Variants in ANKRD44 observed in about 807,000 individuals in gnomAD.
ANKRD44 encodes the protein serine/threonine-protein phosphatase 6 regulatory ankyrin repeat subunit B.
ANKRD44 carries 35 observed loss-of-function variants against 116.0 expected under a neutral mutation model. That is an observed-to-expected ratio of 0.30 (90% confidence interval 0.23 to 0.40). The LOEUF (loss-of-function observed/expected upper bound fraction) is 0.40, where lower values mean the gene tolerates loss of function less well. Ranked by LOEUF, ANKRD44 falls within the 10% of genes least tolerant of loss-of-function variation. The pLI is 1.00. For synonymous variants in ANKRD44, 435 were observed against 461.8 expected (o/e 0.94, Z 0.74); for missense variants, 1,014 against 1,242.6 (o/e 0.82, Z 2.77).
intron 10 of ANKRD44, among the ~76,000 whole-genome samples, chr2:197,091,647 C>G (rs2078045479): frequency 6.6e-6 from 1 of 152,198 alleles, no homozygotes; most frequent in African/African-American, 2.4e-5. Flanking sequence ...GCATGAGCCA[C>G]CACGCTCAGT....
intron 15 of ANKRD44, among the ~76,000 whole-genome samples, chr2:197,080,043 TA>T (rs2077758550): frequency 6.6e-6 from 1 of 152,224 alleles, no homozygotes; most frequent in Non-Finnish European, 1.5e-5. Context: ...TTTTGGTAAT[TA>T]AATGCCCATG....
chr2:197,080,323 GTTTT>G lies in ANKRD44; in HGVS notation c.1538+1318_1538+1321del, dbSNP rs113109367. Among the ~76,000 whole-genome samples, 1,432 of 152,256 alleles carry G rather than the reference GTTTT, an allele frequency of 9.4e-3. 7 individuals carry two copies. Among genetic ancestry groups the G allele is most frequent in the Middle Eastern group, 0.017 (5 of 294 alleles). ...TCCGTGTTTTCACTGGGAATGCCTA[GTTTT>G]TTTCTCTTCCCAGAGCCTAGTAATT... is the stretch of plus-strand genomic sequence containing the variant. On this transcript the variant is annotated intron_variant, in intron 15 of 27. Coordinates refer to ENST00000282272, the MANE Select transcript of ANKRD44 (RefSeq NM_001195144.2).
intron 1 of ANKRD44, among the ~76,000 whole-genome samples, chr2:197,232,213 G>A (rs912672653): frequency 1.3e-5 from 2 of 152,150 alleles, no homozygotes; most frequent in African/African-American, 2.4e-5. Context: ...AAAACTTCAC[G>A]CAGACCCAAA....
chr2:197,156,212 G>A (rs1351212847), intron 2 of ANKRD44, among the ~76,000 whole-genome samples: 1 of 152,150 alleles, frequency 6.6e-6, no homozygotes, highest in Admixed American at 6.5e-5. Context: ...CGGGCGTGGT[G>A]TCAGGCACCT....
At chr2:197,155,837 T>C (rs2079795319) in intron 2 of ANKRD44, among the ~76,000 whole-genome samples, 1 of 152,184 alleles carries the variant, frequency 6.6e-6, no homozygotes, top group South Asian at 2.1e-4. Flanking sequence ...AAATGAATAA[T>C]GTCCACTCTT....
intron 9 of ANKRD44, among the ~76,000 whole-genome samples, chr2:197,104,662 G>A (rs574960970): frequency 1.3e-5 from 2 of 152,268 alleles, no homozygotes; most frequent in Admixed American, 6.5e-5. Context: ...AGATCTATAT[G>A]TCCTTCATTC....
At chr2:197,033,623 A>G (rs1380165307) in intron 16 of ANKRD44, among the ~76,000 whole-genome samples, 1 of 150,998 alleles carries the variant, frequency 6.6e-6, no homozygotes, top group Non-Finnish European at 1.5e-5. Flanking sequence ...CAAACAGCAC[A>G]GGGATGGGGG....
chr2:197,095,488 A>G (rs532073676), intron 10 of ANKRD44, among the ~76,000 whole-genome samples: 1 of 152,280 alleles, frequency 6.6e-6, no homozygotes, highest in Non-Finnish European at 1.5e-5. Context: ...CAAAACCTCC[A>G]TTCTTGCAGT....
chr2:197,276,446 CAAGAA>C (rs1277796211), intron 1 of ANKRD44, among the ~76,000 whole-genome samples: 1 of 151,918 alleles, frequency 6.6e-6, no homozygotes, highest in East Asian at 1.9e-4. Flanking sequence ...TAGTGATAAA[CAAGAA>C]AAGACTTTTT....
At chr2:197,081,173 C>G (rs2077786204) in intron 15 of ANKRD44, among the ~76,000 whole-genome samples, 1 of 152,190 alleles carries the variant, frequency 6.6e-6, no homozygotes, top group African/African-American at 2.4e-5. Flanking sequence ...TTTGCAGGAG[C>G]AGGAGGCTCT....
At chr2:197,101,215 A>G in intron 9 of ANKRD44, among the ~76,000 whole-genome samples, 1 of 152,042 alleles carries the variant, frequency 6.6e-6, no homozygotes, top group East Asian at 1.9e-4. Flanking sequence ...CTGTTAATCC[A>G]AAACAATCCT....
intron 1 of ANKRD44, chr2:197,299,558 A>C (rs2083832976): frequency 6.6e-6 from 1 of 152,240 alleles, no homozygotes; most frequent in African/African-American, 2.4e-5. Flanking sequence ...GGAGACGATT[A>C]TTCTAACTGA....
intron 1 of ANKRD44, among the ~76,000 whole-genome samples, chr2:197,279,824 T>C (rs747645484): frequency 2.0e-5 from 3 of 152,166 alleles, no homozygotes; most frequent in Non-Finnish European, 2.9e-5. Flanking sequence ...CCGCCCTGCA[T>C]TGGGATTGAT....
intron 9 of ANKRD44, among the ~76,000 whole-genome samples, chr2:197,104,902 A>C (rs1383092803): frequency 6.6e-6 from 1 of 152,210 alleles, no homozygotes; most frequent in East Asian, 1.9e-4. Flanking sequence ...TCTACTCTCA[A>C]GACTTCTGTG....
chr2:197,074,844 C>T (rs1420963516), intron 16 of ANKRD44, among the ~76,000 whole-genome samples: 1 of 151,954 alleles, frequency 6.6e-6, no homozygotes, highest in East Asian at 1.9e-4. Context: ...TTTCTAAAGT[C>T]CGGTGATAAA....
At chr2:197,252,004 T>C (rs577327179) in intron 1 of ANKRD44, among the ~76,000 whole-genome samples, 51 of 152,320 alleles carry the variant, frequency 3.3e-4, no homozygotes, top group Middle Eastern at 3.4e-3. Context: ...ACTCTCTAAA[T>C]GAAGAATTAT....
Position 196,989,490 on chromosome 2 carries a change from G to A in ANKRD44, c.*101C>T, listed in dbSNP as rs2075880968. On this transcript the variant is annotated 3_prime_UTR_variant, in exon 28 of 28. Transcript: ENST00000282272. ...TAGACTGAAGCATTTTGGTCCTCAT[G>A]TGTAGCTGGCTGATGAACTACACAC... The A allele has an allele frequency of 7.4e-7, 1 of 1,356,704 alleles. No individual in the cohort carries two copies. The highest frequency in any genetic ancestry group is 1.9e-5 in the South Asian group (1 of 52,264). The allele number at this position is 1,356,704 out of a possible 1,614,324, so 84.0% of individuals were successfully genotyped here. A position where few individuals can be genotyped will look rare whatever the true frequency, so the allele number is the denominator to read the frequency against.
rs951727237 is a variant in ANKRD44 at position 197,187,052 on chromosome 2, T to C, written c.82A>G (p.Ile28Val). The change falls in exon 2 of 28, where the codon ATC becomes GTC. Residue 28 changes from isoleucine to valine, a missense_variant. Physicochemically the swap from Ile to Val is conservative, Grantham distance 29. Transcript: ENST00000282272. ...GTATTCACATCTTCAGTTTTATGGA[T>C]GAGCATCCGGATCTCCTCTGGATCA... ...SGDPEEIRML[I>V]HKTEDVNTLD... The C allele has an allele frequency of 6.2e-7, 1 of 1,614,000 alleles. No homozygotes were observed. Among genetic ancestry groups the C allele is most frequent in the Non-Finnish European group, 8.5e-7 (1 of 1,180,018 alleles).
intron 21 of ANKRD44, among the ~76,000 whole-genome samples, chr2:196,973,715 A>G (rs372004622): frequency 6.6e-6 from 1 of 152,200 alleles, no homozygotes; most frequent in African/African-American, 2.4e-5. Context: ...ATGGCAGCAA[A>G]CTATACTCAC....
Sources: gnomAD v4.1 joint callset for allele counts (sites outside exome capture counted in the v4.1 genomes callset) on GRCh38, gnomAD v4.1.1 for gene constraint, MANE v1.5 for transcripts, NCBI Gene and HGNC (gene_info 2026-07-23, HGNC 2026-07-21) for gene names.